Variants in POLR3F observed in about 807,000 individuals in gnomAD.
POLR3F encodes DNA-directed RNA polymerase III subunit RPC6.
In POLR3F, 31 loss-of-function variants were observed where a neutral mutation model predicts 43.6. The observed-to-expected ratio is 0.71, with a 90% CI of 0.53 to 0.96. The LOEUF is 0.96. Among genes scored for constraint, POLR3F ranks in the 40% least tolerant of loss-of-function variants. POLR3F has a pLI of 0.00. For missense variants in POLR3F, 316 were observed against 391.7 expected (o/e 0.81, Z 1.63); for synonymous variants, 114 against 132.5 (o/e 0.86, Z 0.96).
At chr20:18,475,053 AT>A in intron 4 of POLR3F, 21 bp from the exon 5 acceptor site, 1 of 979,568 alleles carries the variant, frequency 1.0e-6, no homozygotes, top group South Asian at 1.4e-5. Flanking sequence ...AGTTCAACTT[AT>A]TTTACTTTAC....
chr20:18,474,387 C>A (rs2059769403), intron 4 of POLR3F, among the ~76,000 whole-genome samples: 3 of 151,916 alleles, frequency 2.0e-5, no homozygotes, highest in Non-Finnish European at 2.9e-5. Flanking sequence ...GACCTTGACC[C>A]AAATTTAAGT....
chr20:18,480,589 C>T, intron 7 of POLR3F, 80 bp downstream of exon 7: 2 of 759,464 alleles, frequency 2.6e-6, no homozygotes, highest in Middle Eastern at 2.4e-4. Flanking sequence ...ATTTGACCCA[C>T]ATTGTTTTTT....
chr20:18,482,791 G>A (rs2059817403), intron 8 of POLR3F, among the ~76,000 whole-genome samples: 3 of 152,128 alleles, frequency 2.0e-5, no homozygotes, highest in Admixed American at 1.3e-4. Flanking sequence ...AGCTCTCTAT[G>A]CCTTGGTTTC....
intron 5 of POLR3F, among the ~76,000 whole-genome samples, chr20:18,479,231 C>T (rs990258072): frequency 2.0e-5 from 3 of 152,104 alleles, no homozygotes; most frequent in Admixed American, 2.0e-4. Context: ...CACGGGGGCT[C>T]ATGCCTGTAA....
chr20:18,473,522 A>G (rs747842289), intron 4 of POLR3F, 64 bp downstream of exon 4: 6 of 778,196 alleles, frequency 7.7e-6, no homozygotes, highest in Non-Finnish European at 1.1e-5. Flanking sequence ...AGGGACCCAG[A>G]TCTCAGCTTC....
At chr20:18,468,289 A>T (rs2059715239) in intron 1 of POLR3F, among the ~76,000 whole-genome samples, 2 of 151,928 alleles carry the variant, frequency 1.3e-5, no homozygotes, top group African/African-American at 4.8e-5. Context: ...GTTGTCTGGG[A>T]TGGTCTCGAT....
At chr20:18,475,602 C>T (rs1364986665) in intron 5 of POLR3F, among the ~76,000 whole-genome samples, 1 of 152,168 alleles carries the variant, frequency 6.6e-6, no homozygotes, top group Non-Finnish European at 1.5e-5. Flanking sequence ...TCTTCTAGTA[C>T]ACGTGTGTTT....
intron 5 of POLR3F, among the ~76,000 whole-genome samples, chr20:18,477,045 C>A (rs2059783968): frequency 6.6e-6 from 1 of 150,744 alleles, no homozygotes; most frequent in Admixed American, 6.6e-5. Flanking sequence ...TGTACTCCAG[C>A]CTGGGCAACA....
At chr20:18,468,667 A>AT (rs1017147099) in intron 1 of POLR3F, among the ~76,000 whole-genome samples, 1 of 152,064 alleles carries the variant, frequency 6.6e-6, no homozygotes, top group Non-Finnish European at 1.5e-5. Flanking sequence ...CAGCTTTAAT[A>AT]TTTTTTCTGT....
intron 1 of POLR3F, among the ~76,000 whole-genome samples, chr20:18,468,173 T>C (rs1280121362): frequency 6.6e-6 from 1 of 151,856 alleles, no homozygotes; most frequent in African/African-American, 2.4e-5. Flanking sequence ...GCCTCCCGGG[T>C]TCAAGCGATT....
chr20:18,480,268 A>G (rs1052224556), intron 6 of POLR3F, 87 bp downstream of exon 6: 2 of 1,379,918 alleles, frequency 1.4e-6, no homozygotes, highest in Middle Eastern at 1.8e-4. Flanking sequence ...CATATTTTAT[A>G]GGAATTAAAA....
In POLR3F at chr20:18,467,474, T is replaced by A. The variant is rs372794610; in HGVS notation, c.-33T>A. 3.3e-5 allele frequency: 54 copies of A among 1,613,682 alleles called. No homozygotes were observed. Among genetic ancestry groups the A allele is most frequent in the Non-Finnish European group, 4.2e-5 (49 of 1,179,654 alleles). On this transcript the variant is annotated 5_prime_UTR_variant, in exon 1 of 9. Coordinates refer to ENST00000377603, the MANE Select transcript of POLR3F (RefSeq NM_006466.4). ...GCTTGCTACCGGGCTGCTCCGTGCA[T>A]CTTTCCCCCCAGGCGTCAGGAACTG...
At position 18,468,930 on chromosome 20, in the gene POLR3F, A is replaced by G. The variant is rs768151338; in HGVS notation, c.63-14A>G. 8.5e-7 allele frequency: 1 copy of G among 1,173,290 alleles called. No individual in the cohort carries two copies. Among genetic ancestry groups the G allele is most frequent in the South Asian group, 1.2e-5 (1 of 82,134 alleles). 72.7% of individuals were successfully genotyped at this position (1,173,290 alleles called of 1,614,324 possible). Reference sequence around the variant, plus strand: ...GGTAACCATGAAGGATAACATTAATACCTTTGTTTCTAGGATTATAGAATT... The same window carrying G: ...GGTAACCATGAAGGATAACATTAATGCCTTTGTTTCTAGGATTATAGAATT... On this transcript the variant is annotated splice_polypyrimidine_tract_variant and intron_variant, in intron 1 of 8. Coordinates refer to ENST00000377603, the MANE Select transcript of POLR3F (RefSeq NM_006466.4).
chr20:18,467,799 G>A, intron 1 of POLR3F: 2 of 793,860 alleles, frequency 2.5e-6, no homozygotes, highest in East Asian at 2.9e-5. Context: ...GGCTGGCTTT[G>A]CCCTGATACT....
chr20:18,468,585 G>A (rs1168975639), intron 1 of POLR3F, among the ~76,000 whole-genome samples: 1 of 152,078 alleles, frequency 6.6e-6, no homozygotes, highest in East Asian at 1.9e-4. Flanking sequence ...AGAAACATCT[G>A]CATTTGCCTC....
In POLR3F at chr20:18,467,585, C is replaced by T. The variant is rs778427143; in HGVS notation, c.62+17C>T. 1 of 1,614,206 alleles carries T rather than the reference C, an allele frequency of 6.2e-7. No individual in the cohort carries two copies. Among genetic ancestry groups the T allele is most frequent in the Non-Finnish European group, 8.5e-7 (1 of 1,180,018 alleles). On this transcript the variant is annotated intron_variant, in intron 1 of 8. Transcript: ENST00000377603. The stretch of plus-strand genomic sequence containing the variant: ...AGAAAACAGGTAAACCAGTGAGGCT[C>T]CGGCTTGGCACTCCATCAGGCGCCC...
chr20:18,479,546 C>G (rs1314847266), intron 5 of POLR3F, among the ~76,000 whole-genome samples: 1 of 152,070 alleles, frequency 6.6e-6, no homozygotes, highest in Non-Finnish European at 1.5e-5. Flanking sequence ...GGGAGCATAG[C>G]AAAGGGATAC....
chr20:18,473,650 A>G (rs1056355378), intron 4 of POLR3F, among the ~76,000 whole-genome samples, 192 bp downstream of exon 4: 2 of 152,206 alleles, frequency 1.3e-5, no homozygotes, highest in African/African-American at 4.8e-5. Flanking sequence ...GAAAGAGACA[A>G]GAACTAAAGG....
intron 4 of POLR3F, among the ~76,000 whole-genome samples, chr20:18,473,703 C>T (rs770827546): frequency 4.6e-5 from 7 of 152,098 alleles, no homozygotes; most frequent in Non-Finnish European, 1.0e-4. Flanking sequence ...TTCTGAGTCA[C>T]ATGAATGTAT....
Sources: gnomAD v4.1 joint callset for allele counts (sites outside exome capture counted in the v4.1 genomes callset) on GRCh38, gnomAD v4.1.1 for gene constraint, MANE v1.5 for transcripts, NCBI Gene and HGNC (gene_info 2026-07-23, HGNC 2026-07-21) for gene names.